The following XKR4 variants were observed in gnomAD, a reference collection of about 807,000 sequenced individuals.
XKR4 encodes the protein XK related 4.
Under a neutral mutation model 53.9 loss-of-function variants are expected in XKR4, and 12 were observed. The ratio of observed to expected loss-of-function variants is 0.22; its 90% CI spans 0.14 to 0.36. The LOEUF (loss-of-function observed/expected upper bound fraction) is 0.36. Ranked by LOEUF, XKR4 falls within the 10% of genes least tolerant of loss-of-function variation. XKR4 has a pLI of 1.00. For missense variants in XKR4, 799 were observed against 859.5 expected (o/e 0.93, Z 0.88); for synonymous variants, 354 against 362.4 (o/e 0.98, Z 0.26).
chr8:55,477,302 G>T (rs998600567), intron 2 of XKR4, among the ~76,000 whole-genome samples: 1 of 152,106 alleles, frequency 6.6e-6, no homozygotes, highest in Non-Finnish European at 1.5e-5. Context: ...ACAGGGTCTG[G>T]AGTGGACCTC....
At chr8:55,489,180 T>C (rs1210797117) in intron 2 of XKR4, among the ~76,000 whole-genome samples, 2 of 152,220 alleles carry the variant, frequency 1.3e-5, no homozygotes, top group Non-Finnish European at 2.9e-5. Flanking sequence ...GGCTCATCAA[T>C]GTACTGCATC....
intron 1 of XKR4, among the ~76,000 whole-genome samples, chr8:55,148,515 A>G (rs190426454): frequency 1.4e-3 from 215 of 152,316 alleles, no homozygotes; most frequent in African/African-American, 4.9e-3. Context: ...CAGACCTAGA[A>G]TGCAATGAGG....
At position 55,530,287 on chromosome 8, in the gene XKR4, T is replaced by G. The variant is rs2129406611; in HGVS notation, c.*6060T>G. On this transcript the variant is annotated 3_prime_UTR_variant, in exon 3 of 3. Transcript: ENST00000327381. ...CACTGCCATAATTTTTCCCTAAATT[T>G]TATTTAATATCTTGCAGGTCACAAA... 6.6e-6 allele frequency: 1 copy of G among 152,342 alleles called. No individual in the cohort carries two copies. Among genetic ancestry groups the G allele is most frequent in the Middle Eastern group, 3.4e-3 (1 of 294 alleles). 9.4% of individuals were successfully genotyped at this position (152,342 alleles called of 1,614,324 possible). A position where few individuals can be genotyped will look rare whatever the true frequency, so the allele number is the denominator to read the frequency against.
In XKR4 at chr8:55,454,411, G is replaced by A. The variant is rs2129396879; in HGVS notation, c.1007-68870G>A. ...TGAGAGGAAACAGCAATGCCAGGAGGCTCCTGCAGGCATCGGTGAGCTGCT... is the reference window on the plus strand; with the variant it reads ...TGAGAGGAAACAGCAATGCCAGGAGACTCCTGCAGGCATCGGTGAGCTGCT... On this transcript the variant is annotated intron_variant, in intron 2 of 2. Transcript: ENST00000327381. 4 of 1,316,028 alleles carry A rather than the reference G, an allele frequency of 3.0e-6. No individual in the cohort carries two copies. The East Asian group carries it at 7.2e-5, about 24-fold the overall frequency. The allele number at this position is 1,316,028 out of a possible 1,614,324, so 81.5% of individuals were successfully genotyped here.
intron 2 of XKR4, among the ~76,000 whole-genome samples, chr8:55,398,603 A>T (rs1353045985): frequency 2.0e-5 from 3 of 152,126 alleles, no homozygotes; most frequent in African/African-American, 7.2e-5. Context: ...CTGCGGCTTT[A>T]GTTCAATCAC....
At chr8:55,385,398 C>T (rs749248285) in intron 2 of XKR4, among the ~76,000 whole-genome samples, 1 of 152,186 alleles carries the variant, frequency 6.6e-6, no homozygotes, top group Non-Finnish European at 1.5e-5. Flanking sequence ...GCACATATAT[C>T]ACCTCCTTTC....
At chr8:55,275,617 G>T (rs894360996) in intron 1 of XKR4, among the ~76,000 whole-genome samples, 1 of 152,276 alleles carries the variant, frequency 6.6e-6, no homozygotes, top group Non-Finnish European at 1.5e-5. Context: ...GCAGAATCTA[G>T]ATCTGCAACA....
intron 1 of XKR4, among the ~76,000 whole-genome samples, chr8:55,258,330 G>C (rs918329815): frequency 9.9e-5 from 15 of 152,196 alleles, no homozygotes; most frequent in African/African-American, 3.4e-4. Flanking sequence ...GATTAGGCCT[G>C]CACATGGATC....
chr8:55,491,203 C>T (rs1202894178), intron 2 of XKR4, among the ~76,000 whole-genome samples: 2 of 152,166 alleles, frequency 1.3e-5, no homozygotes. Flanking sequence ...TTTCTTTCCT[C>T]ATGATGTCCA....
intron 1 of XKR4, among the ~76,000 whole-genome samples, chr8:55,216,526 G>A (rs113640058): frequency 3.9e-5 from 6 of 152,198 alleles, no homozygotes; most frequent in South Asian, 2.1e-4. Context: ...TCAGGAGTTC[G>A]AGACCAGCCT....
intron 1 of XKR4, among the ~76,000 whole-genome samples, chr8:55,134,793 T>G (rs1816601973): frequency 6.6e-6 from 1 of 152,222 alleles, no homozygotes; most frequent in Admixed American, 6.5e-5. Flanking sequence ...TTATACCCTT[T>G]GTTAAAATGC....
chr8:55,138,410 C>A (rs553792597), intron 1 of XKR4, among the ~76,000 whole-genome samples: 1 of 152,130 alleles, frequency 6.6e-6, no homozygotes, highest in East Asian at 1.9e-4. Flanking sequence ...TGGAGAAATG[C>A]GAGAAGTTTT....
chr8:55,344,449 GTT>G lies in XKR4; in HGVS notation c.807-13216_807-13215del, dbSNP rs111796979. 6.7e-3 allele frequency among the ~76,000 whole-genome samples: 932 copies of G among 138,642 alleles called. 8 individuals are homozygous for G. The highest frequency in any genetic ancestry group is 0.022 in the East Asian group (104 of 4,668). 91.0% of individuals were successfully genotyped at this position (138,642 alleles called of 152,430 possible). A position where few individuals can be genotyped will look rare whatever the true frequency, so the allele number is the denominator to read the frequency against. ...AACAAATATTCTGTTAACCCTGTCT[GTT>G]TTTTTTTTTTTTAATGTGGCTAATA... On this transcript the variant is annotated intron_variant, in intron 1 of 2. Coordinates refer to ENST00000327381, the MANE Select transcript of XKR4 (RefSeq NM_052898.2).
chr8:55,449,392 G>A (rs1285486535), intron 2 of XKR4: 2 of 619,012 alleles, frequency 3.2e-6, no homozygotes, highest in South Asian at 1.8e-5. Flanking sequence ...CTGGGGGCTC[G>A]GGGCCTCACT....
chr8:55,259,824 T>C (rs1423553162), intron 1 of XKR4, among the ~76,000 whole-genome samples: 2 of 152,194 alleles, frequency 1.3e-5, no homozygotes, highest in Non-Finnish European at 2.9e-5. Context: ...TTAAACTTAA[T>C]GAATCTAATT....
rs941296815 is a variant in XKR4 at position 55,337,102 on chromosome 8, G to C, written c.807-20576G>C. ...CATCCTGGCCAGCCTTTACCCAACA[G>C]TGGATGTGACTGCCATCTATATATT... On this transcript the variant is annotated intron_variant, in intron 1 of 2. Transcript: ENST00000327381. Among the ~76,000 whole-genome samples, 6 of 152,300 alleles carry C rather than the reference G, an allele frequency of 3.9e-5. No individual in the cohort carries two copies. In the East Asian group the frequency reaches 1.2e-3, roughly 29 times the overall value.
At chr8:55,511,376 G>C (rs879278680) in intron 2 of XKR4, among the ~76,000 whole-genome samples, 13 of 152,284 alleles carry the variant, frequency 8.5e-5, no homozygotes, top group Middle Eastern at 3.4e-3. Flanking sequence ...GCAGACAAAG[G>C]AAGTGTCCGT....
intron 2 of XKR4, among the ~76,000 whole-genome samples, chr8:55,391,763 A>G (rs1393607404): frequency 6.6e-6 from 1 of 152,234 alleles, no homozygotes; most frequent in Non-Finnish European, 1.5e-5. Flanking sequence ...AAATAAGCAT[A>G]TGAATTTATC....
chr8:55,458,045 C>T (rs537013021), intron 2 of XKR4, among the ~76,000 whole-genome samples: 1 of 152,156 alleles, frequency 6.6e-6, no homozygotes, highest in South Asian at 2.1e-4. Context: ...GTTAATATGA[C>T]AGTCCTCCCC....
Sources: gnomAD v4.1 joint callset for allele counts (sites outside exome capture counted in the v4.1 genomes callset) on GRCh38, gnomAD v4.1.1 for gene constraint, MANE v1.5 for transcripts, NCBI Gene and HGNC (gene_info 2026-07-23, HGNC 2026-07-21) for gene names.